The following MYH9 variants were observed in gnomAD, a reference collection of about 807,000 sequenced individuals.
The protein encoded by MYH9 is myosin-9.
Under a neutral mutation model 241.9 loss-of-function variants are expected in MYH9, and 29 were observed. The ratio of observed to expected loss-of-function variants is 0.12; its 90% CI spans 0.09 to 0.16. MYH9 has a LOEUF of 0.16. Ranked by LOEUF, MYH9 falls within the 10% of genes least tolerant of loss-of-function variation. MYH9 has a pLI of 1.00. For synonymous variants in MYH9, 1,047 were observed against 1,062.6 expected (o/e 0.99, Z 0.29); for missense variants, 1,803 against 2,595.5 (o/e 0.69, Z 6.63).
chr22:36,291,798 T>TCTTC (rs1273799412), intron 31 of MYH9, among the ~76,000 whole-genome samples, 188 bp downstream of exon 31: 1 of 150,008 alleles, frequency 6.7e-6, no homozygotes, highest in Non-Finnish European at 1.5e-5. Flanking sequence ...GAAGACGCCC[T>TCTTC]CTTCCGCTGG....
At chr22:36,386,459 G>C (rs900601109) in intron 1 of MYH9, among the ~76,000 whole-genome samples, 2 of 152,202 alleles carry the variant, frequency 1.3e-5, no homozygotes, top group Non-Finnish European at 1.5e-5. Flanking sequence ...CCAAACACTG[G>C]CCCAGACAGT....
Position 36,304,160 on chromosome 22 carries a change from G to T in MYH9, c.2230-5C>A, listed in dbSNP as rs1413521064. On this transcript the variant is annotated splice_region_variant and splice_polypyrimidine_tract_variant and intron_variant, in intron 18 of 40. Transcript: ENST00000216181. ...GTCGAGCTCCAGGGCTTTTATCTAGGTGGGAGGAGCAGGCCGTTTACCTGG... is the reference window on the plus strand; with the variant it reads ...GTCGAGCTCCAGGGCTTTTATCTAGTTGGGAGGAGCAGGCCGTTTACCTGG... 3.7e-6 allele frequency: 6 copies of T among 1,613,188 alleles called. No individual in the cohort carries two copies. Among genetic ancestry groups the T allele is most frequent in the Admixed American group, 1.7e-5 (1 of 59,994 alleles).
chr22:36,321,901 C>A, intron 6 of MYH9, 80 bp from the exon 7 acceptor site: 1 of 1,250,978 alleles, frequency 8.0e-7, no homozygotes, highest in Middle Eastern at 1.9e-4. Context: ...CCACAGCCCC[C>A]CGCCCCACCT....
At chr22:36,371,593 T>C (rs543203540) in intron 1 of MYH9, among the ~76,000 whole-genome samples, 2 of 152,296 alleles carry the variant, frequency 1.3e-5, no homozygotes, top group African/African-American at 4.8e-5. Context: ...TGGAGTGCAA[T>C]GGCGCCATCT....
intron 40 of MYH9, among the ~76,000 whole-genome samples, chr22:36,283,303 G>A (rs552300630): frequency 2.7e-4 from 41 of 152,100 alleles, no homozygotes; most frequent in Non-Finnish European, 3.5e-4. Flanking sequence ...CTGGGAGGCC[G>A]AGGCGGGTGG....
chr22:36,321,579 C>A (rs2017251976), intron 7 of MYH9, among the ~76,000 whole-genome samples, 179 bp downstream of exon 7: 1 of 152,178 alleles, frequency 6.6e-6, no homozygotes, highest in African/African-American at 2.4e-5. Flanking sequence ...AAGGAAAGCC[C>A]TAAGCTCTGT....
At chr22:36,342,407 C>G (rs1220484769) in intron 2 of MYH9, among the ~76,000 whole-genome samples, 2 of 152,116 alleles carry the variant, frequency 1.3e-5, no homozygotes. Flanking sequence ...AAGCACATAG[C>G]ACAGCACGCA....
Position 36,285,525 on chromosome 22 carries a change from G to T in MYH9, c.5274+133C>A. The stretch of plus-strand genomic sequence containing the variant: ...AGAGGGGGACCTTTCAGGTCCAGGT[G>T]CCTGGACATTTTCCCCTAAGCGCCT... On this transcript the variant is annotated intron_variant, in intron 37 of 40. Coordinates refer to ENST00000216181, the MANE Select transcript of MYH9 (RefSeq NM_002473.6). The surrounding 1 kb of genome is among the most constrained non-coding windows in gnomAD (Gnocchi z 7.0). The T allele has an allele frequency of 7.0e-7, 1 of 1,432,772 alleles. No individual in the cohort carries two copies. The highest frequency in any genetic ancestry group is 9.6e-7 in the Non-Finnish European group (1 of 1,045,510). The allele number at this position is 1,432,772 out of a possible 1,614,324, so 88.8% of individuals were successfully genotyped here.
intron 3 of MYH9, among the ~76,000 whole-genome samples, chr22:36,331,637 G>A (rs573715424): frequency 6.6e-5 from 10 of 152,302 alleles, no homozygotes; most frequent in African/African-American, 1.9e-4. Context: ...CTCGCAGAGC[G>A]GTGACATCAG....
chr22:36,355,200 T>C (rs2017836773), intron 1 of MYH9, among the ~76,000 whole-genome samples: 1 of 152,110 alleles, frequency 6.6e-6, no homozygotes, highest in South Asian at 2.1e-4. Flanking sequence ...CAGTTGCCTT[T>C]TTAGGCCATA....
rs5995286 is a variant in MYH9 at position 36,337,980 on chromosome 22, A to G, written c.490+3390T>C. ...CTTTGCAGGTCAGCTATATACAAAA[A>G]GAAGGAACTTTCTTTTCTTTTTTTT... On this transcript the variant is annotated intron_variant, in intron 3 of 40. Transcript: ENST00000216181. Among the ~76,000 whole-genome samples, 944 of 152,130 alleles carry G rather than the reference A, an allele frequency of 6.2e-3. 15 individuals carry two copies. Among genetic ancestry groups the G allele is most frequent in the African/African-American group, 0.021 (880 of 41,458 alleles).
chr22:36,363,861 G>T (rs1210663672), intron 1 of MYH9, among the ~76,000 whole-genome samples: 1 of 152,218 alleles, frequency 6.6e-6, no homozygotes, highest in Non-Finnish European at 1.5e-5. Context: ...TATCTCCCCA[G>T]CTGGCTGGAG....
Position 36,293,950 on chromosome 22 carries a change from T to C in MYH9, c.3838-87A>G. The C allele has an allele frequency of 6.8e-7, 1 of 1,466,462 alleles. No homozygotes were observed. The highest frequency in any genetic ancestry group is 9.4e-7 in the Non-Finnish European group (1 of 1,066,088). The allele number at this position is 1,466,462 out of a possible 1,614,324, so 90.8% of individuals were successfully genotyped here. A position where few individuals can be genotyped will look rare whatever the true frequency, so the allele number is the denominator to read the frequency against. On this transcript the variant is annotated intron_variant, in intron 28 of 40. Transcript: ENST00000216181. This position sits in a 1 kb window ranked among gnomAD's most constrained non-coding sequence, Gnocchi z 5.1. Reference sequence around the variant, plus strand: ...CATCTCCTTTAGGTAAAGCTGGACCTGAGTCACAAGCTGAACCATGAGGGT... The same window carrying C: ...CATCTCCTTTAGGTAAAGCTGGACCCGAGTCACAAGCTGAACCATGAGGGT...
intron 12 of MYH9, among the ~76,000 whole-genome samples, 192 bp from the exon 13 acceptor site, chr22:36,314,510 G>T (rs1460520979): frequency 1.3e-5 from 2 of 152,196 alleles, no homozygotes; most frequent in African/African-American, 4.8e-5. Context: ...TTTACTCTTT[G>T]GAGCCAGTGA....
chr22:36,336,551 C>T (rs2017502208), intron 3 of MYH9, among the ~76,000 whole-genome samples: 1 of 152,228 alleles, frequency 6.6e-6, no homozygotes, highest in Non-Finnish European at 1.5e-5. Flanking sequence ...CACAGAGTTC[C>T]GAGGAACAGT....
intron 13 of MYH9, among the ~76,000 whole-genome samples, chr22:36,313,005 G>A (rs1016328115): frequency 5.9e-5 from 9 of 151,294 alleles, no homozygotes; most frequent in Admixed American, 2.0e-4. Flanking sequence ...CAGGAGAATC[G>A]CTTCAAACAG....
In MYH9 at chr22:36,320,787, C is replaced by T. The variant is rs779720214; in HGVS notation, c.868+11G>A. The T allele has an allele frequency of 1.9e-6, 3 of 1,609,366 alleles. No homozygotes were observed. The highest frequency in any genetic ancestry group is 2.6e-6 in the Non-Finnish European group (3 of 1,175,976). ...GCAGCCCCGGTGTCAGGCTGCAGGC[C>T]AACTACTCACTCTTCAGGTGCTCTC... is the stretch of plus-strand genomic sequence containing the variant. On this transcript the variant is annotated intron_variant, in intron 8 of 40. Coordinates refer to ENST00000216181, the MANE Select transcript of MYH9 (RefSeq NM_002473.6). The surrounding 1 kb of genome is among the most constrained non-coding windows in gnomAD (Gnocchi z 4.8).
chr22:36,284,027 T>C (rs2146326642), intron 40 of MYH9, 66 bp downstream of exon 40: 2 of 1,594,150 alleles, frequency 1.3e-6, no homozygotes, highest in South Asian at 2.2e-5. Flanking sequence ...TGGGCTCTGG[T>C]TGAGGAACAA....
At chr22:36,360,350 G>T (rs1186848975) in intron 1 of MYH9, among the ~76,000 whole-genome samples, 1 of 152,022 alleles carries the variant, frequency 6.6e-6, no homozygotes, top group Non-Finnish European at 1.5e-5. Flanking sequence ...ATGGAATGCC[G>T]TCTCCCTATG....
Sources: allele counts gnomAD v4.1 joint callset (sites outside exome capture counted in the v4.1 genomes callset), GRCh38; gene constraint gnomAD v4.1.1; non-coding constraint Gnocchi (gnomAD v3.1); transcripts MANE v1.5; gene names NCBI Gene and HGNC (gene_info 2026-07-23, HGNC 2026-07-21).